NEK11: variants seen among roughly 807,000 people sequenced by gnomAD.
NEK11 encodes NIMA related kinase 11.
A neutral mutation model predicts 80.7 loss-of-function variants in NEK11; 72 were observed. The ratio of observed to expected loss-of-function variants is 0.89; its 90% CI spans 0.74 to 1.08. NEK11 has a LOEUF of 1.08. Ranked by LOEUF, NEK11 falls within the 50% of genes least tolerant of loss-of-function variation. NEK11 has a pLI of 0.00. For missense variants in NEK11, 764 were observed against 763.6 expected (o/e 1.00, Z -0.01); for synonymous variants, 251 against 260.7 (o/e 0.96, Z 0.36).
chr3:131,304,737 G>A (rs144872451), intron 17 of NEK11, among the ~76,000 whole-genome samples: 115 of 152,258 alleles, frequency 7.6e-4, no homozygotes, highest in Non-Finnish European at 1.4e-3. Flanking sequence ...GGAACCTGCT[G>A]CACTAGGGGG....
intron 7 of NEK11, among the ~76,000 whole-genome samples, chr3:131,137,075 G>A (rs900130118): frequency 6.6e-6 from 1 of 152,192 alleles, no homozygotes; most frequent in Non-Finnish European, 1.5e-5. Context: ...GAACAGTGGT[G>A]GGAATAGTGG....
intron 17 of NEK11, among the ~76,000 whole-genome samples, chr3:131,336,416 T>C (rs2097185052): frequency 6.6e-6 from 1 of 152,298 alleles, no homozygotes; most frequent in African/African-American, 2.4e-5. Context: ...GCTAGCCATA[T>C]ATAGAAAGCC....
At chr3:131,244,707 AGG>A (rs2095571031) in intron 16 of NEK11, among the ~76,000 whole-genome samples, 1 of 152,002 alleles carries the variant, frequency 6.6e-6, no homozygotes, top group African/African-American at 2.4e-5. Flanking sequence ...GGATCACTCG[AGG>A]TCAGGAGTTT....
intron 3 of NEK11, among the ~76,000 whole-genome samples, chr3:131,050,702 A>G (rs1393834168): frequency 6.6e-6 from 1 of 152,174 alleles, no homozygotes; most frequent in African/African-American, 2.4e-5. Context: ...TATTTTCCAC[A>G]TATATAGAAA....
In NEK11 at chr3:131,210,340, G is replaced by C. The variant is rs569838920; in HGVS notation, c.1400-18188G>C. The stretch of plus-strand genomic sequence containing the variant: ...TGATTGCACTGTGGTCTGAGAGACA[G>C]TTTGTTATAATTTCTGTTCTTTTAC... On this transcript the variant is annotated intron_variant, in intron 14 of 17. Transcript: ENST00000383366. Among the ~76,000 whole-genome samples the C allele has an allele frequency of 5.3e-5, 8 of 152,332 alleles. No individual in the cohort carries two copies. The East Asian group carries it at 1.5e-3, about 29-fold the overall frequency.
chr3:131,331,874 T>TG (rs1366072940), intron 17 of NEK11, among the ~76,000 whole-genome samples: 90 of 152,170 alleles, frequency 5.9e-4, no homozygotes, highest in African/African-American at 2.0e-3. Flanking sequence ...AGCACAGCGG[T>TG]CTGAGATCAA....
intron 17 of NEK11, among the ~76,000 whole-genome samples, chr3:131,336,315 A>G (rs1368224909): frequency 1.3e-5 from 2 of 152,230 alleles, no homozygotes; most frequent in African/African-American, 2.4e-5. Flanking sequence ...ATAACGCCGC[A>G]TTTCTACAAC....
chr3:131,285,416 GTCAC>G (rs1347667821), intron 17 of NEK11, among the ~76,000 whole-genome samples: 2 of 152,218 alleles, frequency 1.3e-5, no homozygotes, highest in Non-Finnish European at 2.9e-5. Flanking sequence ...GCGTCTACCA[GTCAC>G]TCACTGCAGG....
intron 17 of NEK11, among the ~76,000 whole-genome samples, chr3:131,341,931 TAGTC>T (rs1407031526): frequency 1.3e-5 from 2 of 152,344 alleles, no homozygotes; most frequent in East Asian, 3.9e-4. Context: ...TTTTGTTTTT[TAGTC>T]AGTGAGTCTA....
In NEK11 at chr3:131,029,735, G is replaced by A; in HGVS notation, c.27G>A (p.Lys9=). 5 of 1,614,178 alleles carry A rather than the reference G, an allele frequency of 3.1e-6. No homozygotes were observed. Among genetic ancestry groups the A allele is most frequent in the Non-Finnish European group, 4.2e-6 (5 of 1,180,022 alleles). The change falls in exon 3 of 18, where the codon AAG becomes AAA. Residue 9 remains lysine (K), a synonymous_variant. Coordinates refer to ENST00000383366, the MANE Select transcript of NEK11 (RefSeq NM_024800.5). ...TGCTGAAATTCCAAGAGGCAGCTAAGTGTGTGAGTGGATCAACAGCCATTT... is the reference window on the plus strand; with the variant it reads ...TGCTGAAATTCCAAGAGGCAGCTAAATGTGTGAGTGGATCAACAGCCATTT... MLKFQEAA[K]CVSGSTAIST...
At chr3:131,055,225 T>C (rs1399820807) in intron 3 of NEK11, among the ~76,000 whole-genome samples, 1 of 152,086 alleles carries the variant, frequency 6.6e-6, no homozygotes, top group Non-Finnish European at 1.5e-5. Context: ...TCTGTAAAAA[T>C]TAGGAAGTAG....
intron 7 of NEK11, among the ~76,000 whole-genome samples, chr3:131,139,512 A>G (rs934662385): frequency 1.3e-5 from 2 of 152,138 alleles, no homozygotes; most frequent in African/African-American, 4.8e-5. Context: ...CTGAATCTAG[A>G]AAAAGATATT....
At chr3:131,085,079 G>A (rs1243092442) in intron 4 of NEK11, among the ~76,000 whole-genome samples, 2 of 152,300 alleles carry the variant, frequency 1.3e-5, no homozygotes, top group East Asian at 1.9e-4. Flanking sequence ...AAGCCATTTA[G>A]CCTGTTGCTC....
intron 10 of NEK11, among the ~76,000 whole-genome samples, chr3:131,157,169 G>T (rs894648172): frequency 1.3e-5 from 2 of 152,150 alleles, no homozygotes; most frequent in African/African-American, 2.4e-5. Flanking sequence ...CCAGGATCAG[G>T]TGAGGCAAGT....
chr3:131,162,446 C>G lies in NEK11; in HGVS notation c.1001C>G (p.Ser334Ter). ...CACCTGCAGACTCTGAGGGCACTGT[C>G]AGAAGTACAGAAAATGACGCCAAGA... ...RIHLQTLRAL[S>*]EVQKMTPRER... The change falls in exon 11 of 18, where the codon TCA (serine) becomes TGA (stop). Residue 334 changes from serine to a stop codon, truncating the protein, a stop_gained. Transcript: ENST00000383366. LOFTEE classifies it high-confidence loss of function. The G allele has an allele frequency of 6.2e-7, 1 of 1,614,078 alleles. No homozygotes were observed. The highest frequency in any genetic ancestry group is 8.5e-7 in the Non-Finnish European group (1 of 1,179,972).
At chr3:131,336,034 C>T (rs1436286743) in intron 17 of NEK11, among the ~76,000 whole-genome samples, 4 of 152,178 alleles carry the variant, frequency 2.6e-5, no homozygotes, top group Non-Finnish European at 5.9e-5. Context: ...ATGAAAACGG[C>T]CATGCTGCCC....
chr3:131,058,210 G>T lies in NEK11; in HGVS notation c.171-22213G>T, dbSNP rs369441946. 3.9e-5 allele frequency among the ~76,000 whole-genome samples: 6 copies of T among 152,130 alleles called. No individual in the cohort carries two copies. In the South Asian group the frequency reaches 1.2e-3, roughly 32 times the overall value. ...GATCAGATAGTTGTAGATATGCGGC[G>T]TTATTTCTGAGGGCTCTGTTCTGTT... On this transcript the variant is annotated intron_variant, in intron 3 of 17. Transcript: ENST00000383366.
chr3:131,252,766 A>G (rs535242585), intron 16 of NEK11, among the ~76,000 whole-genome samples: 1 of 152,246 alleles, frequency 6.6e-6, no homozygotes, highest in African/African-American at 2.4e-5. Flanking sequence ...TTCCTACATG[A>G]TGCTGATGCT....
At chr3:131,071,551 A>G (rs2073298768) in intron 3 of NEK11, among the ~76,000 whole-genome samples, 1 of 152,036 alleles carries the variant, frequency 6.6e-6, no homozygotes, top group Middle Eastern at 3.2e-3. Context: ...GGGAAGAAGG[A>G]TAACACTGGT....
Sources: allele counts gnomAD v4.1 joint callset (sites outside exome capture counted in the v4.1 genomes callset), GRCh38; gene constraint gnomAD v4.1.1; transcripts MANE v1.5; gene names NCBI Gene and HGNC (gene_info 2026-07-23, HGNC 2026-07-21).